EHBP1: variants seen among roughly 807,000 people sequenced by gnomAD.
EHBP1 encodes the protein EH domain binding protein 1, also known as EH domain-binding protein 1.
EHBP1 carries 55 observed loss-of-function variants against 144.0 expected under a neutral mutation model. That is an observed-to-expected ratio of 0.38 (90% CI 0.31 to 0.48). The LOEUF (loss-of-function observed/expected upper bound fraction) is 0.48, where lower values mean the gene tolerates loss of function less well. Ranked by LOEUF, EHBP1 falls within the 20% of genes least tolerant of loss-of-function variation. EHBP1 has a pLI of 0.98. For synonymous variants in EHBP1, 469 were observed against 472.7 expected (o/e 0.99, Z 0.10); for missense variants, 1,200 against 1,364.2 (o/e 0.88, Z 1.90).
chr2:62,885,423 C>A (rs750287197), intron 10 of EHBP1, among the ~76,000 whole-genome samples: 1 of 151,974 alleles, frequency 6.6e-6, no homozygotes, highest in Non-Finnish European at 1.5e-5. Flanking sequence ...GAAAAAAGAT[C>A]AATGTTTAGA....
At chr2:62,806,362 G>A (rs1425198504) in intron 5 of EHBP1, among the ~76,000 whole-genome samples, 6 of 151,492 alleles carry the variant, frequency 4.0e-5, no homozygotes, top group South Asian at 4.2e-4. Flanking sequence ...GTGGTTTTTC[G>A]TTTGGTTTGT....
rs1341888091 is a variant in EHBP1, at chr2:62,948,681, C to T, written c.1835C>T (p.Thr612Ile). ...PSTASPYCRR[T>I]KSDTEPQKSQ... ...ACAGCCTCCCCTTACTGTCGCAGGACTAAAAGTGACACAGAACCCCAGAAG... is the reference window on the plus strand; with the variant it reads ...ACAGCCTCCCCTTACTGTCGCAGGATTAAAAGTGACACAGAACCCCAGAAG... The change falls in exon 13 of 23, where the codon ACT becomes ATT. Residue 612 changes from threonine to isoleucine, a missense_variant. By Grantham distance (89) the Thr-to-Ile change is moderately conservative. Around this residue, in one of 6 missense-constraint regions of EHBP1, gnomAD observed 543 missense variants for 513.1 expected, o/e 1.06. Transcript: ENST00000431489. 6.2e-7 allele frequency: 1 copy of T among 1,613,980 alleles called. No homozygotes were observed.
In EHBP1 at chr2:62,805,284, A is replaced by G. The variant is rs180809286; in HGVS notation, c.313-20803A>G. Among the ~76,000 whole-genome samples the G allele has an allele frequency of 1.4e-3, 217 of 152,250 alleles. 2 individuals are homozygous for G. Among genetic ancestry groups the G allele is most frequent in the African/African-American group, 5.0e-3 (208 of 41,570 alleles). On this transcript the variant is annotated intron_variant, in intron 5 of 22. Transcript: ENST00000431489. ...ATTCTAAATTATATTATGGTATGGTATTTATTGATACAGAACTATATTTAT... is the reference window on the plus strand; with the variant it reads ...ATTCTAAATTATATTATGGTATGGTGTTTATTGATACAGAACTATATTTAT...
intron 14 of EHBP1, 44 bp from the exon 15 acceptor site, chr2:62,979,144 A>T (rs768198589): frequency 9.6e-6 from 15 of 1,567,414 alleles, no homozygotes; most frequent in African/African-American, 1.4e-5. Context: ...ATGAAATTGC[A>T]TTTCTGTCAA....
intron 8 of EHBP1, among the ~76,000 whole-genome samples, chr2:62,860,242 C>T (rs1436270408): frequency 6.6e-6 from 1 of 152,152 alleles, no homozygotes; most frequent in Non-Finnish European, 1.5e-5. Flanking sequence ...GTAATCTCAG[C>T]GCTTTGGGAG....
rs1237289087 is a variant in EHBP1 at position 63,012,668 on chromosome 2, G to C, written c.3103+15902G>C. ...GGCACTAATGTCCAAAGTACTGTTAGGATACTGGAGATGAGAGGAAAATAA... is the reference window on the plus strand; with the variant it reads ...GGCACTAATGTCCAAAGTACTGTTACGATACTGGAGATGAGAGGAAAATAA... On this transcript the variant is annotated intron_variant, in intron 19 of 22. Coordinates refer to ENST00000431489, the MANE Select transcript of EHBP1 (RefSeq NM_001142616.3). Among the ~76,000 whole-genome samples the C allele has an allele frequency of 3.9e-5, 6 of 152,230 alleles. No individual in the cohort carries two copies. The East Asian group carries it at 1.2e-3, about 29-fold the overall frequency.
At chr2:62,825,368 G>A (rs1238883017) in intron 5 of EHBP1, among the ~76,000 whole-genome samples, 1 of 152,064 alleles carries the variant, frequency 6.6e-6, no homozygotes, top group African/African-American at 2.4e-5. Flanking sequence ...ACTTTTGATA[G>A]CAAATAGGTT....
chr2:62,743,652 G>A (rs2038915202), intron 2 of EHBP1, among the ~76,000 whole-genome samples: 1 of 152,006 alleles, frequency 6.6e-6, no homozygotes, highest in Non-Finnish European at 1.5e-5. Flanking sequence ...CCTCACACAT[G>A]TGTCATAATC....
intron 10 of EHBP1, among the ~76,000 whole-genome samples, chr2:62,921,310 G>T (rs928507319): frequency 3.9e-4 from 59 of 151,954 alleles, no homozygotes; most frequent in African/African-American, 1.4e-3. Context: ...GTCAGGCATG[G>T]TGCATGTGCC....
chr2:62,849,464 C>A (rs111306921), intron 7 of EHBP1, among the ~76,000 whole-genome samples: 6,869 of 152,160 alleles, frequency 0.045, 186 homozygotes, highest in Middle Eastern at 0.13. Context: ...TAGGTCCAGT[C>A]AACCCACAGA....
intron 10 of EHBP1, among the ~76,000 whole-genome samples, chr2:62,905,029 G>A (rs2053685717): frequency 6.6e-6 from 1 of 152,178 alleles, no homozygotes; most frequent in South Asian, 2.1e-4. Flanking sequence ...GTGCCAGAAA[G>A]ATGATATTTT....
At chr2:62,782,672 C>G (rs1016606549) in intron 5 of EHBP1, among the ~76,000 whole-genome samples, 1 of 152,072 alleles carries the variant, frequency 6.6e-6, no homozygotes, top group Non-Finnish European at 1.5e-5. Context: ...CTCCTGAGAA[C>G]TCATAAGAAC....
intron 10 of EHBP1, among the ~76,000 whole-genome samples, chr2:62,901,760 G>A (rs1484618582): frequency 6.6e-6 from 1 of 151,836 alleles, no homozygotes; most frequent in East Asian, 1.9e-4. Flanking sequence ...GAGTCCAGGA[G>A]TTCAAGACCA....
chr2:62,849,107 A>G (rs1252744128), intron 7 of EHBP1, among the ~76,000 whole-genome samples: 1 of 152,022 alleles, frequency 6.6e-6, no homozygotes, highest in Non-Finnish European at 1.5e-5. Context: ...GGCCTGGTAA[A>G]TCACTTTACC....
At chr2:62,756,078 G>A (rs12713468) in intron 3 of EHBP1, among the ~76,000 whole-genome samples, 50,689 of 150,576 alleles carry the variant, frequency 0.34, 8,578 homozygotes, top group Middle Eastern at 0.43. Flanking sequence ...GTTTGAGACC[G>A]GCATGGGCGA....
At chr2:62,729,432 A>AATAATAAT (rs527936786) in intron 2 of EHBP1, among the ~76,000 whole-genome samples, 21 of 111,500 alleles carry the variant, frequency 1.9e-4, no homozygotes, top group African/African-American at 7.2e-4. Context: ...ATAATATAAT[A>AATAATAAT]ATAATAAATA....
chr2:62,732,126 C>T (rs145226985), intron 2 of EHBP1, among the ~76,000 whole-genome samples: 36 of 152,076 alleles, frequency 2.4e-4, no homozygotes, highest in South Asian at 2.3e-3. Context: ...TTTATAGGTA[C>T]GGTGTTTTTT....
intron 5 of EHBP1, among the ~76,000 whole-genome samples, chr2:62,805,076 A>AT (rs2044338686): frequency 6.6e-6 from 1 of 152,214 alleles, no homozygotes; most frequent in Non-Finnish European, 1.5e-5. Context: ...TTTTTAAAGT[A>AT]TACATGTTTT....
At chr2:63,035,691 A>G (rs2061417801) in intron 19 of EHBP1, among the ~76,000 whole-genome samples, 1 of 151,920 alleles carries the variant, frequency 6.6e-6, no homozygotes, top group Non-Finnish European at 1.5e-5. Context: ...GTAAAATATC[A>G]TAAAATCTAC....
Sources: allele counts gnomAD v4.1 joint callset (sites outside exome capture counted in the v4.1 genomes callset), GRCh38; gene constraint gnomAD v4.1.1; regional missense constraint gnomAD v4.1.1; transcripts MANE v1.5; gene names NCBI Gene and HGNC (gene_info 2026-07-23, HGNC 2026-07-21).